Variants in GRIP1 observed in about 807,000 individuals in gnomAD.
GRIP1 encodes the protein glutamate receptor interacting protein 1.
Under a neutral mutation model 129.9 loss-of-function variants are expected in GRIP1, and 45 were observed. The ratio of observed to expected loss-of-function variants is 0.35; its 90% CI spans 0.27 to 0.44. GRIP1 has a LOEUF of 0.44. Among genes scored for constraint, GRIP1 ranks in the 20% least tolerant of loss-of-function variants. GRIP1 has a pLI of 1.00. For synonymous variants in GRIP1, 530 were observed against 520.8 expected (o/e 1.02, Z -0.24); for missense variants, 1,196 against 1,396.8 (o/e 0.86, Z 2.29).
intron 1 of GRIP1, among the ~76,000 whole-genome samples, chr12:67,005,093 A>G (rs1351911195): frequency 6.6e-6 from 1 of 152,156 alleles, no homozygotes; most frequent in African/African-American, 2.4e-5. Flanking sequence ...AATAACTTTT[A>G]CCTTTCTATA....
intron 1 of GRIP1, chr12:66,803,807 A>G (rs2038923825): frequency 6.4e-6 from 1 of 155,450 alleles, no homozygotes; most frequent in Non-Finnish European, 1.4e-5. Context: ...TTAAAATAAC[A>G]TAATTAATTT....
chr12:66,762,187 A>G (rs1309203885), intron 1 of GRIP1, among the ~76,000 whole-genome samples: 2 of 152,196 alleles, frequency 1.3e-5, no homozygotes, highest in African/African-American at 4.8e-5. Flanking sequence ...ATTTGGAGAC[A>G]CTTTCTGGTG....
intron 1 of GRIP1, among the ~76,000 whole-genome samples, chr12:67,026,338 C>G (rs2042941487): frequency 6.6e-6 from 1 of 152,116 alleles, no homozygotes; most frequent in South Asian, 2.1e-4. Context: ...CATTTTCAGC[C>G]TTTTGTTGGG....
At chr12:66,492,077 G>T (rs2060118114) in intron 7 of GRIP1, among the ~76,000 whole-genome samples, 2 of 152,066 alleles carry the variant, frequency 1.3e-5, no homozygotes, top group South Asian at 4.2e-4. Context: ...CCAAGACTGG[G>T]AAGGAACAGT....
intron 19 of GRIP1, among the ~76,000 whole-genome samples, chr12:66,382,729 C>G (rs1346491037): frequency 6.6e-6 from 1 of 152,146 alleles, no homozygotes; most frequent in East Asian, 1.9e-4. Context: ...TACTATATAT[C>G]AGGAACTAAA....
intron 1 of GRIP1, among the ~76,000 whole-genome samples, chr12:67,039,778 G>C (rs941403393): frequency 5.3e-5 from 8 of 152,178 alleles, no homozygotes; most frequent in Non-Finnish European, 1.2e-4. Flanking sequence ...TGCATGCACA[G>C]TTCTAGGCCT....
chr12:66,366,453 GA>G (rs2137232878), intron 23 of GRIP1, among the ~76,000 whole-genome samples: 1 of 152,290 alleles, frequency 6.6e-6, no homozygotes, highest in South Asian at 2.1e-4. Context: ...TTGGCAGGGG[GA>G]AAAGGCGATG....
At chr12:66,646,537 T>C (rs1161814355) in intron 1 of GRIP1, among the ~76,000 whole-genome samples, 3 of 152,192 alleles carry the variant, frequency 2.0e-5, no homozygotes, top group Non-Finnish European at 4.4e-5. Flanking sequence ...AGCAGGAGAA[T>C]TGCTTAAACC....
At chr12:66,454,922 G>A (rs558307351) in intron 11 of GRIP1, among the ~76,000 whole-genome samples, 2 of 152,148 alleles carry the variant, frequency 1.3e-5, no homozygotes, top group African/African-American at 4.8e-5. Context: ...TTGGGGAGGA[G>A]GGTAACAAAA....
intron 1 of GRIP1, among the ~76,000 whole-genome samples, chr12:66,773,352 G>A (rs953598969): frequency 7.2e-5 from 11 of 152,188 alleles, no homozygotes; most frequent in African/African-American, 2.7e-4. Flanking sequence ...TATATACCCA[G>A]TAATGGGATT....
At chr12:66,806,799 ATTT>A (rs60559989), upstream of GRIP1, among the ~76,000 whole-genome samples, 8 of 145,846 alleles carry the variant, frequency 5.5e-5, no homozygotes, top group Non-Finnish European at 1.2e-4. Flanking sequence ...ATAAGCACCT[ATTT>A]TTTTTTTTTT....
chr12:66,768,403 C>T (rs558444475), intron 1 of GRIP1, among the ~76,000 whole-genome samples: 24 of 152,306 alleles, frequency 1.6e-4, no homozygotes, highest in African/African-American at 4.8e-4. Flanking sequence ...TGCTACAGAT[C>T]TTGTTGTCCG....
intron 2 of GRIP1, among the ~76,000 whole-genome samples, chr12:66,590,105 G>A (rs2063800592): frequency 6.6e-6 from 1 of 152,048 alleles, no homozygotes; most frequent in African/African-American, 2.4e-5. Flanking sequence ...GGAGGCTGTT[G>A]CTAGCTGTCA....
intron 1 of GRIP1, among the ~76,000 whole-genome samples, chr12:66,597,667 T>C (rs935189483): frequency 2.6e-5 from 4 of 152,160 alleles, no homozygotes; most frequent in African/African-American, 4.8e-5. Flanking sequence ...GCTTAATGTA[T>C]GTGTGAGAGT....
intron 14 of GRIP1, among the ~76,000 whole-genome samples, chr12:66,426,047 T>C (rs1240269340): frequency 6.6e-6 from 1 of 152,156 alleles, no homozygotes; most frequent in Non-Finnish European, 1.5e-5. Flanking sequence ...TCTAACACAT[T>C]GTATGACACC....
At chr12:66,494,178 G>A (rs921938231) in intron 7 of GRIP1, among the ~76,000 whole-genome samples, 1 of 152,088 alleles carries the variant, frequency 6.6e-6, no homozygotes, top group African/African-American at 2.4e-5. Context: ...AATATTTGAT[G>A]TTCTGGGATT....
At chr12:66,524,769 T>C (rs968793040) in intron 5 of GRIP1, among the ~76,000 whole-genome samples, 18 of 152,020 alleles carry the variant, frequency 1.2e-4, no homozygotes, top group African/African-American at 4.1e-4. Context: ...TCAACAAAAT[T>C]GATAGACCAC....
At chr12:66,528,987 T>C (rs545605652) in intron 5 of GRIP1, among the ~76,000 whole-genome samples, 1 of 152,070 alleles carries the variant, frequency 6.6e-6, no homozygotes. Context: ...GCTAAGGACA[T>C]GAATAGACAA....
intron 2 of GRIP1, among the ~76,000 whole-genome samples, chr12:66,579,023 C>T (rs2063260481): frequency 6.6e-6 from 1 of 152,180 alleles, no homozygotes; most frequent in South Asian, 2.1e-4. Flanking sequence ...TAGGGGCAGA[C>T]TGACACCTAA....
Sources: gnomAD v4.1 joint callset for allele counts (sites outside exome capture counted in the v4.1 genomes callset) on GRCh38, gnomAD v4.1.1 for gene constraint, MANE v1.5 for transcripts, NCBI Gene and HGNC (gene_info 2026-07-23, HGNC 2026-07-21) for gene names.